The following SURF4 variants were observed in gnomAD, a reference collection of about 807,000 sequenced individuals.
SURF4 encodes surfeit 4.
Under a neutral mutation model 30.0 loss-of-function variants are expected in SURF4, and 3 were observed. The observed-to-expected ratio is 0.10, with a 90% CI of 0.05 to 0.26. The LOEUF (loss-of-function observed/expected upper bound fraction) is 0.26. SURF4 is among the 10% of genes least tolerant of loss of function. The pLI is 1.00. For missense variants in SURF4, 217 were observed against 350.8 expected (o/e 0.62, Z 3.05); for synonymous variants, 143 against 139.9 (o/e 1.02, Z -0.16).
intron 1 of SURF4, among the ~76,000 whole-genome samples, chr9:133,373,727 G>A (rs1029024144): frequency 4.0e-5 from 6 of 151,068 alleles, no homozygotes; most frequent in Admixed American, 4.0e-4. Context: ...AAACCAGCCT[G>A]GCCAACATGG....
upstream of SURF4, chr9:133,376,451 C>T: frequency 6.4e-7 from 1 of 1,560,808 alleles, no homozygotes. Flanking sequence ...TGGACGCTCG[C>T]CCGTACGCGG....
In SURF4 at chr9:133,363,948, G is replaced by C; in HGVS notation, c.544-189C>G. 1 of 755,964 alleles carries C rather than the reference G, an allele frequency of 1.3e-6. No homozygotes were observed. The highest frequency in any genetic ancestry group is 2.0e-5 in the Admixed American group (1 of 49,992). The allele number at this position is 755,964 out of a possible 1,614,324, so 46.8% of individuals were successfully genotyped here. A position where few individuals can be genotyped will look rare whatever the true frequency, so the allele number is the denominator to read the frequency against. The stretch of plus-strand genomic sequence containing the variant: ...GGAGGCAGGAGGCAATAAAGCACCA[G>C]CTTTGAAATGTGGAAGGTTTGGGGA... On this transcript the variant is annotated intron_variant, in intron 5 of 5. Coordinates refer to ENST00000371989, the MANE Select transcript of SURF4 (RefSeq NM_033161.4). This position sits in a 1 kb window ranked among gnomAD's most constrained non-coding sequence, Gnocchi z 4.3.
At chr9:133,374,644 G>C (rs2130227033) in intron 1 of SURF4, among the ~76,000 whole-genome samples, 1 of 152,254 alleles carries the variant, frequency 6.6e-6, no homozygotes, top group East Asian at 1.9e-4. Flanking sequence ...GGGAAAAAAT[G>C]CTTCGTCAAG....
At chr9:133,375,397 G>GA (rs1837831417) in intron 1 of SURF4, 1 of 985,680 alleles carries the variant, frequency 1.0e-6, no homozygotes, top group Non-Finnish European at 1.2e-6. Flanking sequence ...ATCTGGGAAA[G>GA]AGAAAAGGAA....
At chr9:133,376,189 A>G, upstream of SURF4, 1 of 1,249,350 alleles carries the variant, frequency 8.0e-7, no homozygotes, top group Non-Finnish European at 1.0e-6. Context: ...CGCCATCCCC[A>G]GCCTCCCGAC....
intron 1 of SURF4, among the ~76,000 whole-genome samples, chr9:133,368,958 C>T (rs2130165056): frequency 3.3e-5 from 5 of 152,344 alleles, no homozygotes; most frequent in Admixed American, 2.0e-4. Context: ...GCTGACTAAA[C>T]CTACTGTTGG....
At chr9:133,376,664 C>T, upstream of SURF4, 1 of 1,043,048 alleles carries the variant, frequency 9.6e-7, no homozygotes, top group Non-Finnish European at 1.4e-6. Context: ...GGGGCCCGCG[C>T]CCTGGCCAGT....
At chr9:133,376,161 C>T (rs1837927628), upstream of SURF4, 1 of 1,212,372 alleles carries the variant, frequency 8.2e-7, no homozygotes. Flanking sequence ...CGCCCCGGTG[C>T]GTCTTAAAGG....
intron 1 of SURF4, among the ~76,000 whole-genome samples, chr9:133,374,300 C>T (rs2130221742): frequency 2.6e-5 from 4 of 152,148 alleles, no homozygotes; most frequent in African/African-American, 7.2e-5. Flanking sequence ...CGCCTGTAAT[C>T]CCAGCACTTT....
chr9:133,365,549 T>C (rs1837118242), intron 4 of SURF4, among the ~76,000 whole-genome samples: 1 of 152,104 alleles, frequency 6.6e-6, no homozygotes, highest in Non-Finnish European at 1.5e-5. Context: ...AATACACTAA[T>C]GCTAATGATA....
In SURF4 at chr9:133,367,678, A is replaced by G. The variant is rs188790581; in HGVS notation, c.49-233T>C. 4.7e-5 allele frequency: 58 copies of G among 1,224,780 alleles called. 1 individual carries two copies. In the East Asian group the frequency reaches 1.4e-3, roughly 30 times the overall value. 75.9% of individuals were successfully genotyped at this position (1,224,780 alleles called of 1,614,324 possible). ...ATCCAAGGATCAGTCCCGGAGATGC[A>G]TGACTTGACGTTAGGCCCTCTGGGG... On this transcript the variant is annotated intron_variant, in intron 1 of 5. Coordinates refer to ENST00000371989, the MANE Select transcript of SURF4 (RefSeq NM_033161.4).
upstream of SURF4, chr9:133,376,086 T>C (rs587608618): frequency 1.7e-6 from 2 of 1,192,508 alleles, no homozygotes; most frequent in Non-Finnish European, 2.1e-6. Flanking sequence ...TCGCTCCGCG[T>C]CGGCTGCGGC....
chr9:133,376,068 G>A (rs954211963), upstream of SURF4: 13 of 1,206,572 alleles, frequency 1.1e-5, no homozygotes, highest in East Asian at 3.4e-5. Context: ...AGTGCCCGGC[G>A]GCCGGCCTCG....
rs1433054570 is a variant in SURF4 at position 133,362,896 on chromosome 9, C to T, written c.*597G>A. On this transcript the variant is annotated 3_prime_UTR_variant, in exon 6 of 6. Transcript: ENST00000371989. Reference sequence around the variant, plus strand: ...TCTGACCGATGACTTTTATCATAAACAGCAGCTTCTACCACCCCTTTAATA... The same window carrying T: ...TCTGACCGATGACTTTTATCATAAATAGCAGCTTCTACCACCCCTTTAATA... The T allele has an allele frequency of 6.3e-6, 1 of 159,496 alleles. No individual in the cohort carries two copies. Among genetic ancestry groups the T allele is most frequent in the Non-Finnish European group, 1.4e-5 (1 of 72,482 alleles). The allele number at this position is 159,496 out of a possible 1,614,324, so 9.9% of individuals were successfully genotyped here. A position where few individuals can be genotyped will look rare whatever the true frequency, so the allele number is the denominator to read the frequency against.
chr9:133,373,085 C>G (rs1038659390), intron 1 of SURF4, among the ~76,000 whole-genome samples: 1 of 152,222 alleles, frequency 6.6e-6, no homozygotes, highest in East Asian at 1.9e-4. Flanking sequence ...GCCCCTTCAC[C>G]CGCTAGTGCT....
upstream of SURF4, chr9:133,376,187 C>T (rs1455685850): frequency 2.4e-6 from 3 of 1,250,130 alleles, no homozygotes; most frequent in Non-Finnish European, 3.0e-6. Flanking sequence ...CGCGCCATCC[C>T]CAGCCTCCCG....
intron 1 of SURF4, among the ~76,000 whole-genome samples, chr9:133,368,179 G>A (rs918173818): frequency 2.6e-5 from 4 of 152,268 alleles, no homozygotes; most frequent in African/African-American, 9.6e-5. Flanking sequence ...ACACATGGCT[G>A]AGGTGCCAAG....
At chr9:133,375,415 T>C in intron 1 of SURF4, 1 of 985,818 alleles carries the variant, frequency 1.0e-6, no homozygotes, top group Non-Finnish European at 1.2e-6. Flanking sequence ...GAAAAGGTGC[T>C]GTGGCTTCCT....
chr9:133,376,883 G>A (rs979015657), upstream of SURF4, among the ~76,000 whole-genome samples: 1 of 152,184 alleles, frequency 6.6e-6, no homozygotes, highest in Non-Finnish European at 1.5e-5. Context: ...GGAACATCCC[G>A]AGTACATAAT....
Sources: allele counts gnomAD v4.1 joint callset (sites outside exome capture counted in the v4.1 genomes callset), GRCh38; gene constraint gnomAD v4.1.1; non-coding constraint Gnocchi (gnomAD v3.1); transcripts MANE v1.5; gene names NCBI Gene and HGNC (gene_info 2026-07-23, HGNC 2026-07-21).